PCCA: variants seen among roughly 807,000 people sequenced by gnomAD.
PCCA encodes the protein propionyl-CoA carboxylase alpha chain, mitochondrial.
A neutral mutation model predicts 101.3 loss-of-function variants in PCCA; 74 were observed. That is an observed-to-expected ratio of 0.73 (90% CI 0.61 to 0.89). The LOEUF is 0.89. PCCA is among the 40% of genes least tolerant of loss of function. The pLI, the probability that PCCA is intolerant of heterozygous loss-of-function variation, is 0.00. For synonymous variants in PCCA, 294 were observed against 313.6 expected, an observed-to-expected ratio of 0.94 and a Z score of 0.66; for missense variants, 891 against 907.0, an observed-to-expected ratio of 0.98 and a Z score of 0.23.
intron 21 of PCCA, among the ~76,000 whole-genome samples, chr13:100,506,062 G>A (rs1193757982): frequency 1.3e-5 from 2 of 152,194 alleles, no homozygotes; most frequent in African/African-American, 4.8e-5. Flanking sequence ...TGTCTGAGAA[G>A]GAGGTAACTT....
chr13:100,182,463 AGT>A (rs2056891051), intron 6 of PCCA, among the ~76,000 whole-genome samples: 1 of 152,166 alleles, frequency 6.6e-6, no homozygotes, highest in Admixed American at 6.6e-5. Flanking sequence ...CTGTGGAACC[AGT>A]GTCAGGGCTG....
chr13:100,162,607 A>G (rs2054600027), intron 6 of PCCA, among the ~76,000 whole-genome samples: 1 of 152,182 alleles, frequency 6.6e-6, no homozygotes. Context: ...AGATCTAAAA[A>G]GTAGAGTTGT....
chr13:100,135,473 G>T (rs1001096114), intron 4 of PCCA, among the ~76,000 whole-genome samples: 1 of 152,096 alleles, frequency 6.6e-6, no homozygotes, highest in African/African-American at 2.4e-5. Context: ...GTTGTACATT[G>T]CTAGTAGTAG....
intron 6 of PCCA, among the ~76,000 whole-genome samples, chr13:100,162,724 A>G (rs752382725): frequency 6.6e-6 from 1 of 152,216 alleles, no homozygotes; most frequent in South Asian, 2.1e-4. Context: ...TGCTCAGTTA[A>G]CTGAGTGCCA....
intron 10 of PCCA, among the ~76,000 whole-genome samples, chr13:100,264,496 A>G (rs1217050000): frequency 6.6e-6 from 1 of 152,164 alleles, no homozygotes; most frequent in Non-Finnish European, 1.5e-5. Context: ...ATCCAGTGAT[A>G]TAGTCTGTCA....
intron 6 of PCCA, among the ~76,000 whole-genome samples, chr13:100,168,552 AC>A (rs1300272009): frequency 3.3e-5 from 5 of 152,224 alleles, no homozygotes; most frequent in Non-Finnish European, 7.3e-5. Flanking sequence ...GGCTAAAAGA[AC>A]CAAAGAGAAT....
At chr13:100,395,649 A>T (rs1176793454) in intron 19 of PCCA, among the ~76,000 whole-genome samples, 1 of 152,184 alleles carries the variant, frequency 6.6e-6, no homozygotes, top group Non-Finnish European at 1.5e-5. Flanking sequence ...ATAATTTTTT[A>T]AAATTATGGA....
chr13:100,217,968 G>A lies in PCCA; in HGVS notation c.600+8505G>A, dbSNP rs1470447919. 4.0e-5 allele frequency among the ~76,000 whole-genome samples: 6 copies of A among 151,720 alleles called. No homozygotes were observed. In the East Asian group the frequency reaches 5.9e-4, roughly 15 times the overall value. The stretch of plus-strand genomic sequence containing the variant: ...GCAGGCCCTGTAATGTCAGCTACTC[G>A]GGAGGCTGAGGCAGGAGAATCACTA... On this transcript the variant is annotated intron_variant, in intron 7 of 23. Coordinates refer to ENST00000376285, the MANE Select transcript of PCCA (RefSeq NM_000282.4).
chr13:100,128,159 C>T (rs1331158198), intron 4 of PCCA, among the ~76,000 whole-genome samples: 2 of 152,134 alleles, frequency 1.3e-5, no homozygotes, highest in African/African-American at 4.8e-5. Flanking sequence ...AGCCAATCTT[C>T]GGGTTGCCAA....
At chr13:100,284,895 C>T (rs2064473682) in intron 12 of PCCA, among the ~76,000 whole-genome samples, 2 of 152,208 alleles carry the variant, frequency 1.3e-5, no homozygotes. Flanking sequence ...CTTCTCAAGT[C>T]CAGGCACTCT....
intron 19 of PCCA, among the ~76,000 whole-genome samples, chr13:100,403,985 A>C (rs1011501972): frequency 3.9e-5 from 6 of 152,164 alleles, no homozygotes; most frequent in Non-Finnish European, 8.8e-5. Context: ...GGATAAGGAC[A>C]AAGACCGATC....
intron 18 of PCCA, among the ~76,000 whole-genome samples, chr13:100,353,524 A>G (rs190811298): frequency 1.8e-4 from 28 of 152,360 alleles, no homozygotes; most frequent in Admixed American, 9.8e-4. Flanking sequence ...CTACCAAATA[A>G]CCAATAGATT....
At chr13:100,517,554 C>T (rs921922980) in intron 22 of PCCA, among the ~76,000 whole-genome samples, 3 of 152,096 alleles carry the variant, frequency 2.0e-5, no homozygotes, top group Non-Finnish European at 4.4e-5. Flanking sequence ...GGCAGAGCAA[C>T]GGGGCCTATA....
rs370404874 is a variant in PCCA, at chr13:100,313,152, T to C, written c.1429+3244T>C. 5.6e-3 allele frequency among the ~76,000 whole-genome samples: 848 copies of C among 152,218 alleles called. 4 individuals carry two copies. The highest frequency in any genetic ancestry group is 0.01 in the Middle Eastern group (3 of 294). ...CACCCTTCCTCTTTCCTTTCCTCCC[T>C]CCATTCTCTTCTCTGTTTTTCTCCT... On this transcript the variant is annotated intron_variant, in intron 16 of 23. Transcript: ENST00000376285.
chr13:100,351,498 T>C (rs2073263152), intron 18 of PCCA, among the ~76,000 whole-genome samples: 1 of 152,194 alleles, frequency 6.6e-6, no homozygotes, highest in Non-Finnish European at 1.5e-5. Context: ...TTTTTCTCTG[T>C]TTGTATATAT....
chr13:100,318,027 C>T (rs1339207672), intron 16 of PCCA, among the ~76,000 whole-genome samples: 1 of 152,150 alleles, frequency 6.6e-6, no homozygotes, highest in Non-Finnish European at 1.5e-5. Context: ...CCGCAATTGT[C>T]CCCTAAGGAA....
chr13:100,478,516 C>G (rs901980441), intron 21 of PCCA, among the ~76,000 whole-genome samples: 1 of 152,172 alleles, frequency 6.6e-6, no homozygotes, highest in Non-Finnish European at 1.5e-5. Flanking sequence ...GACCTGTGTC[C>G]CCTCCCCCAG....
At chr13:100,204,314 A>G (rs9585380) in intron 6 of PCCA, among the ~76,000 whole-genome samples, 24,032 of 151,896 alleles carry the variant, frequency 0.16, 2,029 homozygotes, top group African/African-American at 0.18. Flanking sequence ...TAATTTTTAT[A>G]TTTTTTGTAG....
chr13:100,195,246 C>G (rs545883980), intron 6 of PCCA, among the ~76,000 whole-genome samples: 1 of 152,252 alleles, frequency 6.6e-6, no homozygotes, highest in East Asian at 1.9e-4. Context: ...TGTGAAGCTT[C>G]TTACCTTCTT....
Sources: allele counts gnomAD v4.1 joint callset (sites outside exome capture counted in the v4.1 genomes callset), GRCh38; gene constraint gnomAD v4.1.1; transcripts MANE v1.5; gene names NCBI Gene and HGNC (gene_info 2026-07-23, HGNC 2026-07-21).